Variants in GABRG3 observed in about 807,000 individuals in gnomAD.
GABRG3 encodes the protein gamma-aminobutyric acid receptor subunit gamma-3.
A neutral mutation model predicts 48.8 loss-of-function variants in GABRG3; 25 were observed. The observed-to-expected ratio is 0.51, with a 90% confidence interval of 0.37 to 0.72. GABRG3 has a LOEUF of 0.72. Ranked by LOEUF, GABRG3 falls within the 30% of genes least tolerant of loss-of-function variation. The pLI, the probability that GABRG3 is intolerant of heterozygous loss-of-function variation, is 0.00. For synonymous variants in GABRG3, 227 were observed against 217.6 expected (o/e 1.04, Z -0.38); for missense variants, 394 against 577.9 (o/e 0.68, Z 3.26).
chr15:27,218,127 C>T (rs962044955), intron 3 of GABRG3, among the ~76,000 whole-genome samples: 3 of 152,098 alleles, frequency 2.0e-5, no homozygotes, highest in Non-Finnish European at 2.9e-5. Flanking sequence ...CTCCCACCTC[C>T]GCCTCCCAAG....
At chr15:27,274,153 A>G (rs557921689) in intron 3 of GABRG3, among the ~76,000 whole-genome samples, 1 of 152,278 alleles carries the variant, frequency 6.6e-6, no homozygotes, top group Admixed American at 6.5e-5. Context: ...TATGTATTGT[A>G]TAGGATCAAG....
At position 27,180,013 on chromosome 15, in the gene GABRG3, A is replaced by C. The variant is rs980435568; in HGVS notation, c.271-146796A>C. ...GTACATTTTGCACACTCATGGTTAC[A>C]TGGAAGTGGCTAAATGGCCTTCTGC... On this transcript the variant is annotated intron_variant, in intron 3 of 9. Transcript: ENST00000615808. This position sits in a 1 kb window ranked among gnomAD's most constrained non-coding sequence, Gnocchi z 4.2. Among the ~76,000 whole-genome samples the C allele has an allele frequency of 6.6e-6, 1 of 152,186 alleles. No individual in the cohort carries two copies. The highest frequency in any genetic ancestry group is 1.5e-5 in the Non-Finnish European group (1 of 68,032).
At chr15:27,003,738 T>C (rs1304606259) in intron 2 of GABRG3, among the ~76,000 whole-genome samples, 9 of 151,992 alleles carry the variant, frequency 5.9e-5, no homozygotes, top group South Asian at 2.1e-4. Context: ...AGCTGTTGGG[T>C]ACACCTCCCA....
At chr15:27,421,789 A>G (rs186602266) in intron 5 of GABRG3, among the ~76,000 whole-genome samples, 2 of 152,182 alleles carry the variant, frequency 1.3e-5, no homozygotes, top group African/African-American at 2.4e-5. Context: ...CTGCTTATCT[A>G]CCAATACTGA....
intron 3 of GABRG3, among the ~76,000 whole-genome samples, chr15:27,282,881 A>G (rs1891482958): frequency 6.6e-6 from 1 of 152,102 alleles, no homozygotes; most frequent in African/African-American, 2.4e-5. Context: ...TGCTAGGTGG[A>G]CACCCCCCCA....
In GABRG3 at chr15:27,535,060, C is replaced by T. The variant is rs74479055; in HGVS notation, c.*2179C>T. The T allele has an allele frequency of 6.6e-6, 1 of 152,284 alleles. No individual in the cohort carries two copies. The highest frequency in any genetic ancestry group is 2.4e-5 in the African/African-American group (1 of 41,562). 9.4% of individuals were successfully genotyped at this position (152,284 alleles called of 1,614,324 possible). ...GTTCTGTCTCTCATGCATAAGCAAC[C>T]CCCGCCTTGGCAGAAGTATTCTGCA... On this transcript the variant is annotated 3_prime_UTR_variant, in exon 10 of 10. Transcript: ENST00000615808.
At chr15:27,392,623 G>A (rs1595724924) in intron 5 of GABRG3, among the ~76,000 whole-genome samples, 3 of 152,308 alleles carry the variant, frequency 2.0e-5, no homozygotes, top group Admixed American at 2.0e-4. Flanking sequence ...TTAGAAGGAA[G>A]TCATTATGCC....
intron 3 of GABRG3, among the ~76,000 whole-genome samples, chr15:27,256,268 C>T (rs1470866796): frequency 2.0e-5 from 3 of 151,718 alleles, no homozygotes; most frequent in Admixed American, 6.6e-5. Context: ...TGGTGAAACC[C>T]GTCTCTACTA....
At chr15:27,200,850 A>G (rs973127192) in intron 3 of GABRG3, among the ~76,000 whole-genome samples, 2 of 152,026 alleles carry the variant, frequency 1.3e-5, no homozygotes, top group Non-Finnish European at 2.9e-5. Context: ...GTCCTTATTT[A>G]AGGCCTCGAG....
rs1435158920 is a variant in GABRG3 at position 27,328,116 on chromosome 15, CAAAAAAAAAAACCA to C, written c.492-677_492-664del. Reference sequence around the variant, plus strand: ...AACAATTACAGCAAAAACAAACAAACAAAAAAAAAAACCAAAAAAAAAAAACACGCCACAGCTGG... The same window carrying C: ...AACAATTACAGCAAAAACAAACAAACAAAAAAAAAAACACGCCACAGCTGG... On this transcript the variant is annotated intron_variant, in intron 4 of 9. Transcript: ENST00000615808. 5.8e-5 allele frequency among the ~76,000 whole-genome samples: 7 copies of C among 119,920 alleles called. No homozygotes were observed. The South Asian group carries it at 7.7e-4, about 13-fold the overall frequency. The allele number at this position is 119,920 out of a possible 152,430, so 78.7% of individuals were successfully genotyped here.
At chr15:27,488,984 C>A (rs993595368) in intron 6 of GABRG3, among the ~76,000 whole-genome samples, 6 of 152,132 alleles carry the variant, frequency 3.9e-5, no homozygotes, top group Admixed American at 3.9e-4. Context: ...CACCCATCAA[C>A]CTGTCAGCTA....
chr15:27,504,236 C>A (rs370512079), intron 6 of GABRG3, among the ~76,000 whole-genome samples: 2 of 151,966 alleles, frequency 1.3e-5, no homozygotes, highest in African/African-American at 4.8e-5. Context: ...CTCTTTTTCT[C>A]ATCTTTTGTT....
At chr15:27,478,048 C>CAAA (rs71132811) in intron 5 of GABRG3, among the ~76,000 whole-genome samples, 2 of 91,980 alleles carry the variant, frequency 2.2e-5, no homozygotes, top group African/African-American at 7.2e-5. Context: ...CTCCATGTCA[C>CAAA]AAAAAAAAAA....
rs1891125709 is a variant in GABRG3, at chr15:27,520,182, T to C, written c.865+58T>C. Reference sequence around the variant, plus strand: ...CGTAATTGTAATATAGAAGCATTCATAAAAAATACCTTCAATGTAAAAGAC... The same window carrying C: ...CGTAATTGTAATATAGAAGCATTCACAAAAAATACCTTCAATGTAAAAGAC... On this transcript the variant is annotated intron_variant, in intron 7 of 9. Coordinates refer to ENST00000615808, the MANE Select transcript of GABRG3 (RefSeq NM_033223.5). 14 of 1,432,622 alleles carry C rather than the reference T, an allele frequency of 9.8e-6. No individual in the cohort carries two copies. In the South Asian group the frequency reaches 1.5e-4, roughly 16 times the overall value. The allele number at this position is 1,432,622 out of a possible 1,614,324, so 88.7% of individuals were successfully genotyped here.
At chr15:27,208,051 C>A in intron 3 of GABRG3, 1 of 158,750 alleles carries the variant, frequency 6.3e-6, no homozygotes, top group East Asian at 1.8e-4. Flanking sequence ...GGGCCTCTCC[C>A]ACTGAACCTC....
intron 2 of GABRG3, among the ~76,000 whole-genome samples, chr15:26,979,747 C>T (rs1895017962): frequency 6.6e-6 from 1 of 152,094 alleles, no homozygotes; most frequent in Non-Finnish European, 1.5e-5. Context: ...TTTAATAATA[C>T]CTCCTTTTGT....
At chr15:27,413,222 T>C (rs1887849206) in intron 5 of GABRG3, among the ~76,000 whole-genome samples, 1 of 152,188 alleles carries the variant, frequency 6.6e-6, no homozygotes, top group African/African-American at 2.4e-5. Flanking sequence ...TTTACAATAA[T>C]TCATGATTAA....
intron 3 of GABRG3, among the ~76,000 whole-genome samples, chr15:27,065,024 T>G (rs1293833544): frequency 1.3e-5 from 2 of 152,202 alleles, no homozygotes; most frequent in African/African-American, 4.8e-5. Flanking sequence ...ATCATCATTT[T>G]TCCTGAGAAG....
chr15:27,272,843 G>T (rs2140474791), intron 3 of GABRG3, among the ~76,000 whole-genome samples: 1 of 152,282 alleles, frequency 6.6e-6, no homozygotes, highest in East Asian at 1.9e-4. Context: ...TTAATAATGA[G>T]CTAATAGAAA....
Sources: gnomAD v4.1 joint callset for allele counts (sites outside exome capture counted in the v4.1 genomes callset) on GRCh38, gnomAD v4.1.1 for gene constraint, Gnocchi (gnomAD v3.1) non-coding constraint, MANE v1.5 for transcripts, NCBI Gene and HGNC (gene_info 2026-07-23, HGNC 2026-07-21) for gene names.